Variants in FAM118A observed in about 807,000 individuals in gnomAD.
The protein encoded by FAM118A is SIR2 antiphage like 2, also known as protein FAM118A.
In FAM118A, 25 loss-of-function variants were observed where a neutral mutation model predicts 38.2. The observed-to-expected ratio is 0.65, with a 90% CI of 0.48 to 0.91. FAM118A has a LOEUF of 0.91. Among genes scored for constraint, FAM118A ranks in the 40% least tolerant of loss-of-function variants. The pLI is 0.00. For missense variants in FAM118A, 425 were observed against 463.3 expected (o/e 0.92, Z 0.76); for synonymous variants, 178 against 184.1 (o/e 0.97, Z 0.27).
chr22:45,322,746 G>A (rs7286605), intron 2 of FAM118A, among the ~76,000 whole-genome samples: 65,362 of 152,036 alleles, frequency 0.43, 17,393 homozygotes, highest in Non-Finnish European at 0.61. Context: ...AAAGTGAAGC[G>A]CGATAAAGAG....
At chr22:45,323,517 T>C in intron 3 of FAM118A, 90 bp downstream of exon 3, 1 of 1,508,064 alleles carries the variant, frequency 6.6e-7, no homozygotes, top group Non-Finnish European at 9.0e-7. Context: ...TCTGCAGGCC[T>C]AACTTGTGTT....
At chr22:45,327,699 C>A in intron 3 of FAM118A, 143 bp from the exon 4 acceptor site, 1 of 779,728 alleles carries the variant, frequency 1.3e-6, no homozygotes, top group African/African-American at 1.7e-5. Flanking sequence ...TCCCCCTGCT[C>A]TGGGGTTGCG....
intron 3 of FAM118A, among the ~76,000 whole-genome samples, chr22:45,325,703 C>T (rs1274030831): frequency 1.3e-5 from 2 of 152,210 alleles, no homozygotes; most frequent in South Asian, 2.1e-4. Flanking sequence ...TGAGATGGAC[C>T]AGGACTATTG....
At chr22:45,316,024 G>T (rs978898575) in intron 1 of FAM118A, among the ~76,000 whole-genome samples, 2 of 152,140 alleles carry the variant, frequency 1.3e-5, no homozygotes, top group Non-Finnish European at 2.9e-5. Flanking sequence ...ACATGTGCTT[G>T]AAGACTGTTG....
intron 3 of FAM118A, 85 bp from the exon 4 acceptor site, chr22:45,327,757 C>G: frequency 7.2e-7 from 1 of 1,381,516 alleles, no homozygotes; most frequent in South Asian, 1.2e-5. Flanking sequence ...CGCTGTATCT[C>G]TGGCACCCAG....
chr22:45,323,218 C>G lies in FAM118A; in HGVS notation c.91C>G (p.Leu31Val). ...CATCCGGAAACAGCCCCAGGAACTG[C>G]TCCTGGTTATCGGGACTGGCGTCAG... is the stretch of plus-strand genomic sequence containing the variant. ...SLIRKQPQEL[L>V]LVIGTGVSAA... is the part of the protein sequence containing the mutation. Residue 31 changes from leucine to valine, a missense_variant, in exon 3 of 9, where the codon CTC becomes GTC. Physicochemically the swap from Leu to Val is conservative, Grantham distance 32 (BLOSUM62 1). Coordinates refer to ENST00000441876, the MANE Select transcript of FAM118A (RefSeq NM_017911.4). 1.9e-6 allele frequency: 3 copies of G among 1,614,116 alleles called. No individual in the cohort carries two copies. In the Middle Eastern group the frequency reaches 4.9e-4, roughly 266 times the overall value.
In FAM118A at chr22:45,336,539, G is replaced by A. The variant is rs116920363; in HGVS notation, c.1054+128G>A. ...GGAGGACGGTGCATACGTTCTGTCA[G>A]GGCCAGAGAGCACAGGAGGCTTACT... On this transcript the variant is annotated intron_variant, in intron 8 of 8. Transcript: ENST00000441876. 24 of 671,360 alleles carry A rather than the reference G, an allele frequency of 3.6e-5. No individual in the cohort carries two copies. In the East Asian group the frequency reaches 6.4e-4, roughly 18 times the overall value. 41.6% of individuals were successfully genotyped at this position (671,360 alleles called of 1,614,324 possible).
In FAM118A at chr22:45,323,204, A is replaced by G; in HGVS notation, c.77A>G (p.Gln26Arg). 1 of 1,612,428 alleles carries G rather than the reference A, an allele frequency of 6.2e-7. No homozygotes were observed. The highest frequency in any genetic ancestry group is 8.5e-7 in the Non-Finnish European group (1 of 1,178,444). The stretch of plus-strand genomic sequence containing the variant: ...TTTTTAAAAAGCCTCATCCGGAAAC[A>G]GCCCCAGGAACTGCTCCTGGTTATC... Reference protein sequence around the residue: ...RKFLKSLIRKQPQELLLVIGT... With the variant: ...RKFLKSLIRKRPQELLLVIGT... Residue 26 changes from glutamine (Q) to arginine (R), a missense_variant, in exon 3 of 9, where the codon CAG (glutamine) becomes CGG (arginine). Physicochemically the swap from Gln to Arg is conservative, Grantham distance 43 (BLOSUM62 1). Coordinates refer to ENST00000441876, the MANE Select transcript of FAM118A (RefSeq NM_017911.4).
chr22:45,329,962 C>T (rs567323931), intron 4 of FAM118A: 1 of 152,340 alleles, frequency 6.6e-6, no homozygotes, highest in Non-Finnish European at 1.5e-5. Flanking sequence ...TGATAAGGTC[C>T]TGCGTTCTGT....
intron 1 of FAM118A, among the ~76,000 whole-genome samples, chr22:45,319,122 A>T (rs2084737756): frequency 6.6e-6 from 1 of 152,260 alleles, no homozygotes; most frequent in South Asian, 2.1e-4. Flanking sequence ...ATAATCACTT[A>T]TATGTGGAGA....
chr22:45,310,380 C>A (rs2084309788), intron 1 of FAM118A, among the ~76,000 whole-genome samples, 197 bp downstream of exon 1: 1 of 151,932 alleles, frequency 6.6e-6, no homozygotes, highest in South Asian at 2.1e-4. Flanking sequence ...AAGATTTTCT[C>A]TGGACTCCGA....
At chr22:45,329,219 C>G (rs1039837431) in intron 4 of FAM118A, 2 of 152,176 alleles carry the variant, frequency 1.3e-5, no homozygotes, top group Non-Finnish European at 2.9e-5. Flanking sequence ...CTTTTATGTC[C>G]TGTTTTCAAG....
chr22:45,327,199 C>G (rs1228109948), intron 3 of FAM118A, among the ~76,000 whole-genome samples: 1 of 151,850 alleles, frequency 6.6e-6, no homozygotes, highest in African/African-American at 2.4e-5. Flanking sequence ...ATCCTGGCAC[C>G]ACTGTGCTCC....
At chr22:45,339,489 T>C (rs1228006971) in intron 8 of FAM118A, among the ~76,000 whole-genome samples, 2 of 152,218 alleles carry the variant, frequency 1.3e-5, no homozygotes, top group Non-Finnish European at 2.9e-5. Context: ...TGATATTGTT[T>C]TGGATCAAAC....
In FAM118A at chr22:45,332,644, T is replaced by C; in HGVS notation, c.871T>C (p.Cys291Arg). The C allele has an allele frequency of 6.2e-7, 1 of 1,614,216 alleles. No individual in the cohort carries two copies. The change falls in exon 6 of 9, where the codon TGT becomes CGT. Residue 291 changes from cysteine (C) to arginine (R), a missense_variant. Physicochemically the swap from Cys to Arg is radical, Grantham distance 180. Coordinates refer to ENST00000441876, the MANE Select transcript of FAM118A (RefSeq NM_017911.4). ...HGIKVVSYGD[C>R]FDHFPGYVQD... ...AATCAAAGTTGTATCCTACGGGGACTGTTTTGACCACTTTCCAGGATATGT... is the reference window on the plus strand; with the variant it reads ...AATCAAAGTTGTATCCTACGGGGACCGTTTTGACCACTTTCCAGGATATGT...
upstream of FAM118A, chr22:45,309,871 G>C (rs990505252): frequency 3.3e-5 from 5 of 152,072 alleles, no homozygotes; most frequent in Admixed American, 3.3e-4. Flanking sequence ...CGGGGACCGC[G>C]GGGCCGTTGG....
intron 8 of FAM118A, among the ~76,000 whole-genome samples, chr22:45,339,610 T>C (rs2086341599): frequency 6.6e-6 from 1 of 152,032 alleles, no homozygotes; most frequent in Non-Finnish European, 1.5e-5. Context: ...TCCTCCGGGG[T>C]AGGTGGTTCT....
In FAM118A at chr22:45,322,399, C is replaced by CA; in HGVS notation, c.22dup (p.Thr8AsnfsTer3). The CA allele has an allele frequency of 3.1e-6, 5 of 1,611,012 alleles. No homozygotes were observed. Among genetic ancestry groups the CA allele is most frequent in the Non-Finnish European group, 4.2e-6 (5 of 1,179,286 alleles). On this transcript the variant is annotated frameshift_variant, in exon 2 of 9. Coordinates refer to ENST00000441876, the MANE Select transcript of FAM118A (RefSeq NM_017911.4). LOFTEE classifies it high-confidence loss of function. ...TCACAGATGGATTCAGTGGAAAAGACAACAAATAGAAGTGAACAAAAATCC... is the reference window on the plus strand; with the variant it reads ...TCACAGATGGATTCAGTGGAAAAGACAAACAAATAGAAGTGAACAAAAATCC...
chr22:45,327,587 G>A (rs1340732422), intron 3 of FAM118A, among the ~76,000 whole-genome samples: 1 of 152,142 alleles, frequency 6.6e-6, no homozygotes, highest in Non-Finnish European at 1.5e-5. Flanking sequence ...CTTGCCTAGT[G>A]TCTTGGTCCT....
Sources: allele counts gnomAD v4.1 joint callset (sites outside exome capture counted in the v4.1 genomes callset), GRCh38; gene constraint gnomAD v4.1.1; transcripts MANE v1.5; gene names NCBI Gene and HGNC (gene_info 2026-07-23, HGNC 2026-07-21).